Variants in E2F7 observed in about 807,000 individuals in gnomAD.
E2F7 encodes the protein transcription factor E2F7.
In E2F7, 35 loss-of-function variants were observed where a neutral mutation model predicts 81.1. The observed-to-expected ratio is 0.43, with a 90% confidence interval of 0.33 to 0.57. The LOEUF (loss-of-function observed/expected upper bound fraction) is 0.57, where lower values mean the gene tolerates loss of function less well. E2F7 is among the 20% of genes least tolerant of loss of function. The pLI, the probability that E2F7 is intolerant of heterozygous loss-of-function variation, is 0.04. For synonymous variants in E2F7, 416 were observed against 416.2 expected (o/e 1.00, Z 0.01); for missense variants, 961 against 1,093.7 (o/e 0.88, Z 1.71).
chr12:77,030,936 A>G (rs1954801254), intron 9 of E2F7, among the ~76,000 whole-genome samples: 1 of 152,216 alleles, frequency 6.6e-6, no homozygotes, highest in African/African-American at 2.4e-5. Flanking sequence ...CATTTCACAA[A>G]TCCAGTATGA....
intron 5 of E2F7, 128 bp downstream of exon 5, chr12:77,045,910 A>G: frequency 5.0e-6 from 6 of 1,196,416 alleles, no homozygotes; most frequent in Non-Finnish European, 6.9e-6. Context: ...TTCTTCAGTG[A>G]GGAGAATAAG....
intron 9 of E2F7, among the ~76,000 whole-genome samples, chr12:77,031,942 T>C (rs1430976605): frequency 6.6e-6 from 1 of 152,084 alleles, no homozygotes; most frequent in African/African-American, 2.4e-5. Flanking sequence ...CACCCAGCCA[T>C]CCACCTTCAA....
chr12:77,033,038 T>C lies in E2F7; in HGVS notation c.1382+12A>G, dbSNP rs577144804. On this transcript the variant is annotated intron_variant, in intron 9 of 12. Transcript: ENST00000322886. ...GAAAAGAATACACTCTGAGCTTTTA[T>C]AGACTACTTACTGTGAATTGTCTTC... 6.2e-6 allele frequency: 10 copies of C among 1,610,046 alleles called. No individual in the cohort carries two copies. In the South Asian group the frequency reaches 1.0e-4, roughly 16 times the overall value.
intron 7 of E2F7, among the ~76,000 whole-genome samples, chr12:77,036,490 G>A (rs187013374): frequency 2.6e-5 from 4 of 151,696 alleles, no homozygotes; most frequent in Admixed American, 2.0e-4. Context: ...ATGCCATCGC[G>A]CCACTGCACT....
chr12:77,036,239 G>A (rs1954848829), intron 7 of E2F7, among the ~76,000 whole-genome samples: 1 of 152,090 alleles, frequency 6.6e-6, no homozygotes, highest in Non-Finnish European at 1.5e-5. Flanking sequence ...TCATCAAATC[G>A]CTTAAAACCA....
chr12:77,044,594 A>T, intron 6 of E2F7, 43 bp downstream of exon 6: 1 of 1,595,080 alleles, frequency 6.3e-7, no homozygotes, highest in Non-Finnish European at 8.5e-7. Flanking sequence ...ATGAAATCCC[A>T]CCCTTTATGT....
At chr12:77,032,971 T>C in intron 9 of E2F7, 79 bp downstream of exon 9, 2 of 1,382,614 alleles carry the variant, frequency 1.4e-6, no homozygotes, top group East Asian at 2.3e-5. Flanking sequence ...TTTCTTTTGA[T>C]GGGTGGCACT....
intron 2 of E2F7, 149 bp downstream of exon 2, chr12:77,064,394 C>G: frequency 1.5e-6 from 1 of 688,678 alleles, no homozygotes; most frequent in Non-Finnish European, 2.3e-6. Context: ...TTGGATGGCT[C>G]TATTTTTAAA....
intron 12 of E2F7, 61 bp downstream of exon 12, chr12:77,025,497 G>A (rs1037715436): frequency 1.4e-5 from 22 of 1,566,306 alleles, no homozygotes; most frequent in Non-Finnish European, 1.9e-5. Flanking sequence ...TAAAATGAAA[G>A]CTAAACACAG....
In E2F7 at chr12:77,046,276, A is replaced by G; in HGVS notation, c.591T>C (p.His197=). ...GATTCTTAGCCACCCGGCTGACCAG[A>G]TGCAGCGACTCCAGCACATTTACAA... The part of the protein sequence containing the change: ...YDIVNVLESL[H]LVSRVAKNQY... The change falls in exon 5 of 13, where the codon CAT becomes CAC. Residue 197 remains histidine (H), a synonymous_variant. Transcript: ENST00000322886. 6.2e-7 allele frequency: 1 copy of G among 1,614,178 alleles called. No homozygotes were observed. The highest frequency in any genetic ancestry group is 8.5e-7 in the Non-Finnish European group (1 of 1,180,042).
In E2F7 at chr12:77,029,984, G is replaced by A; in HGVS notation, c.1731C>T (p.Ser577=). 1 of 1,614,214 alleles carries A rather than the reference G, an allele frequency of 6.2e-7. No homozygotes were observed. Among genetic ancestry groups the A allele is most frequent in the Middle Eastern group, 1.6e-4 (1 of 6,062 alleles). The change falls in exon 10 of 13, where the codon AGC becomes AGT. Residue 577 remains serine, a synonymous_variant. Transcript: ENST00000322886. ...GCTCTACTGTGGCTGGGGCTTCTGAGCTTCTGTCATCCCTCTCTGACCCTG... is the reference window on the plus strand; with the variant it reads ...GCTCTACTGTGGCTGGGGCTTCTGAACTTCTGTCATCCCTCTCTGACCCTG... ...SGSGSERDDR[S]SEAPATVELS...
rs550463768 is a variant in E2F7 at position 77,037,420 on chromosome 12, G to A, written c.1124-3378C>T. Among the ~76,000 whole-genome samples the A allele has an allele frequency of 1.9e-3, 296 of 152,212 alleles. 1 individual carries two copies. Among genetic ancestry groups the A allele is most frequent in the Non-Finnish European group, 3.2e-3 (216 of 68,016 alleles). On this transcript the variant is annotated intron_variant, in intron 7 of 12. Coordinates refer to ENST00000322886, the MANE Select transcript of E2F7 (RefSeq NM_203394.3). ...AGCCTGGGCAACATAGTGAAACCCT[G>A]TCTCTACCAAAAAAACAAACAAAAA...
At chr12:77,026,852 G>T (rs1186758158) in intron 11 of E2F7, among the ~76,000 whole-genome samples, 2 of 152,060 alleles carry the variant, frequency 1.3e-5, no homozygotes, top group African/African-American at 4.8e-5. Context: ...GATTTTTCTA[G>T]TTGCATTCAA....
intron 3 of E2F7, among the ~76,000 whole-genome samples, chr12:77,053,061 G>C (rs546052473): frequency 2.0e-4 from 30 of 152,230 alleles, no homozygotes; most frequent in Admixed American, 7.2e-4. Flanking sequence ...ATATATTTCT[G>C]GGGGGAGGCA....
intron 3 of E2F7, among the ~76,000 whole-genome samples, chr12:77,055,373 C>T (rs867400980): frequency 9.8e-5 from 14 of 142,396 alleles, no homozygotes; most frequent in African/African-American, 2.9e-4. Context: ...TTTTTTTTAA[C>T]GAAGTATAGA....
intron 7 of E2F7, among the ~76,000 whole-genome samples, chr12:77,039,741 A>G (rs1330325116): frequency 6.6e-6 from 1 of 152,232 alleles, no homozygotes; most frequent in Non-Finnish European, 1.5e-5. Flanking sequence ...TTTGGAAAAC[A>G]GTTTGGAAGT....
At chr12:77,038,406 A>C (rs1185395570) in intron 7 of E2F7, among the ~76,000 whole-genome samples, 1 of 152,200 alleles carries the variant, frequency 6.6e-6, no homozygotes, top group Non-Finnish European at 1.5e-5. Context: ...CAAGTTATAC[A>C]AAGTATATTC....
At position 77,050,673 on chromosome 12, in the gene E2F7, T is replaced by C. The variant is rs377500544; in HGVS notation, c.441A>G (p.Leu147=). Residue 147 remains leucine, a synonymous_variant, in exon 4 of 13, where the codon TTA becomes TTG. Coordinates refer to ENST00000322886, the MANE Select transcript of E2F7 (RefSeq NM_203394.3). ...CTAGAAACTTCTGGCACAGGAGTCC[T>C]AAACTTTTCTGTTTTCTGCTTGGCC... The part of the protein sequence containing the change: ...KQRPSRKQKS[L]GLLCQKFLAR... 37 of 1,614,052 alleles carry C rather than the reference T, an allele frequency of 2.3e-5. No homozygotes were observed. The highest frequency in any genetic ancestry group is 3.0e-5 in the Non-Finnish European group (35 of 1,179,958).
intron 4 of E2F7, 72 bp from the exon 5 acceptor site, chr12:77,046,400 G>A: frequency 6.7e-7 from 1 of 1,499,744 alleles, no homozygotes; most frequent in Admixed American, 2.1e-5. Context: ...TTGAGGGCCT[G>A]GACTATATCT....
Sources: allele counts gnomAD v4.1 joint callset (sites outside exome capture counted in the v4.1 genomes callset), GRCh38; gene constraint gnomAD v4.1.1; transcripts MANE v1.5; gene names NCBI Gene and HGNC (gene_info 2026-07-23, HGNC 2026-07-21).